The following NGLY1 variants were observed in gnomAD, a reference collection of about 807,000 sequenced individuals.
NGLY1 encodes the protein peptide-N(4)-(N-acetyl-beta-glucosaminyl)asparagine amidase.
Under a neutral mutation model 84.6 loss-of-function variants are expected in NGLY1, and 68 were observed. The ratio of observed to expected loss-of-function variants is 0.80; its 90% CI spans 0.66 to 0.98. The LOEUF (loss-of-function observed/expected upper bound fraction) is 0.98. Ranked by LOEUF, NGLY1 falls within the 50% of genes least tolerant of loss-of-function variation. The pLI is 0.00. For synonymous variants in NGLY1, 280 were observed against 275.2 expected (o/e 1.02, Z -0.17); for missense variants, 779 against 770.2 (o/e 1.01, Z -0.14).
intron 4 of NGLY1, among the ~76,000 whole-genome samples, chr3:25,743,591 T>C (rs901953): frequency 0.82 from 124,088 of 151,792 alleles, 51,087 homozygotes; most frequent in East Asian, 0.94. Context: ...TGTGTCTCTT[T>C]CCATAATGGT....
chr3:25,731,697 G>A (rs1705544185), intron 9 of NGLY1, among the ~76,000 whole-genome samples: 1 of 151,998 alleles, frequency 6.6e-6, no homozygotes, highest in Admixed American at 6.6e-5. Flanking sequence ...AACCCAAATA[G>A]CCATCAACAG....
Position 25,719,356 on chromosome 3 carries a change from T to A in NGLY1, c.*104A>T. The stretch of plus-strand genomic sequence containing the variant: ...CATGATGGATAGCTAGCAAAAGAAA[T>A]ATGCTAGCACAGGGTGGTAACTGCC... On this transcript the variant is annotated 3_prime_UTR_variant, in exon 12 of 12. Coordinates refer to ENST00000280700, the MANE Select transcript of NGLY1 (RefSeq NM_018297.4). 1.2e-6 allele frequency: 1 copy of A among 809,408 alleles called. No homozygotes were observed. The highest frequency in any genetic ancestry group is 1.9e-6 in the Non-Finnish European group (1 of 516,240). The allele number at this position is 809,408 out of a possible 1,614,324, so 50.1% of individuals were successfully genotyped here.
At position 25,764,090 on chromosome 3, in the gene NGLY1, T is replaced by C. The variant is rs776423647; in HGVS notation, c.468A>G (p.Ser156=). 38 of 1,614,102 alleles carry C rather than the reference T, an allele frequency of 2.4e-5. No individual in the cohort carries two copies. The highest frequency in any genetic ancestry group is 3.3e-4 in the Middle Eastern group (2 of 6,084). Residue 156 remains serine, a synonymous_variant, in exon 3 of 12, where the codon TCA becomes TCG. Coordinates refer to ENST00000280700, the MANE Select transcript of NGLY1 (RefSeq NM_018297.4). ...NQHTRNRQGQ[S]SDPPSASTVA... The stretch of plus-strand genomic sequence containing the variant: ...CCGTTGAAGCAGATGGTGGATCTGA[T>C]GACTGCCCTTGACGGTTCCTTGTGT...
intron 4 of NGLY1, chr3:25,749,757 T>C (rs1706632353): frequency 2.7e-6 from 4 of 1,509,154 alleles, no homozygotes; most frequent in Non-Finnish European, 2.7e-6. Context: ...GTGCTGCTGA[T>C]GTGCAACAAA....
rs551759932 is a variant in NGLY1 at position 25,751,113 on chromosome 3, T to C, written c.643A>G (p.Arg215Gly). 2.9e-4 allele frequency: 467 copies of C among 1,612,238 alleles called. 4 individuals are homozygous for C. In the South Asian group the frequency reaches 4.9e-3, roughly 17 times the overall value. ...RKSQEKLSRARKLDKGINISD... is the reference protein window; with the variant it reads ...RKSQEKLSRAGKLDKGINISD... ...AAGCTACTACCTTTATCCAATTTTCTAGCTCTCGATAACTTTTCTTGTGAT... is the reference window on the plus strand; with the variant it reads ...AAGCTACTACCTTTATCCAATTTTCCAGCTCTCGATAACTTTTCTTGTGAT... Residue 215 changes from arginine to glycine, a missense_variant, in exon 4 of 12, where the codon AGA becomes GGA. Coordinates refer to ENST00000280700, the MANE Select transcript of NGLY1 (RefSeq NM_018297.4).
chr3:25,721,338 G>A (rs761325434), intron 10 of NGLY1, among the ~76,000 whole-genome samples: 4 of 152,138 alleles, frequency 2.6e-5, no homozygotes, highest in Admixed American at 6.5e-5. Context: ...GTGAGCTACC[G>A]TGCCTGGCTC....
chr3:25,755,557 C>T, intron 3 of NGLY1: 2 of 1,430,522 alleles, frequency 1.4e-6, no homozygotes, highest in Non-Finnish European at 2.0e-6. Flanking sequence ...ACTAATCCCT[C>T]AATGATTGGG....
rs1364713235 is a variant in NGLY1, at chr3:25,770,158, T to C, written c.247-5847A>G. Among the ~76,000 whole-genome samples, 3 of 152,192 alleles carry C rather than the reference T, an allele frequency of 2.0e-5. No individual in the cohort carries two copies. The East Asian group carries it at 5.8e-4, about 29-fold the overall frequency. On this transcript the variant is annotated intron_variant, in intron 2 of 11. Transcript: ENST00000280700. ...CTGAGTAGTATTCATAGTATTCCAC[T>C]TTTTTGTTTGAGACAGAGTTTTGCT...
chr3:25,784,264 A>C (rs1461529354), upstream of NGLY1: 1 of 152,204 alleles, frequency 6.6e-6, no homozygotes, highest in African/African-American at 2.4e-5. Flanking sequence ...TTTAAACCAT[A>C]GGTTGCGACA....
chr3:25,778,992 G>A (rs1307408327), intron 1 of NGLY1, among the ~76,000 whole-genome samples: 1 of 138,142 alleles, frequency 7.2e-6, no homozygotes, highest in Non-Finnish European at 1.5e-5. Flanking sequence ...CTGGAGTGCA[G>A]TGGCGTGACC....
At position 25,751,120 on chromosome 3, in the gene NGLY1, C is replaced by T. The variant is rs201479575; in HGVS notation, c.636G>A (p.Ser212=). 1.7e-5 allele frequency: 28 copies of T among 1,612,654 alleles called. No homozygotes were observed. The East Asian group carries it at 2.9e-4, about 17-fold the overall frequency. The stretch of plus-strand genomic sequence containing the variant: ...TACCTTTATCCAATTTTCTAGCTCT[C>T]GATAACTTTTCTTGTGATTTCCTTT... ...ELKRKSQEKL[S]RARKLDKGIN... Residue 212 remains serine (S), a synonymous_variant, in exon 4 of 12, where the codon TCG becomes TCA. Transcript: ENST00000280700.
chr3:25,747,541 T>C (rs757150701), intron 4 of NGLY1, among the ~76,000 whole-genome samples: 3 of 151,998 alleles, frequency 2.0e-5, no homozygotes, highest in African/African-American at 7.3e-5. Context: ...TTTGTGAAAA[T>C]TGGTCAAATG....
At chr3:25,722,363 C>T (rs1328594794) in intron 10 of NGLY1, among the ~76,000 whole-genome samples, 1 of 151,242 alleles carries the variant, frequency 6.6e-6, no homozygotes, top group Non-Finnish European at 1.5e-5. Context: ...GTTGAAAGTA[C>T]CATATAAAAC....
chr3:25,732,220 G>GA, intron 9 of NGLY1, 99 bp downstream of exon 9: 1 of 1,025,220 alleles, frequency 9.8e-7, no homozygotes, highest in African/African-American at 1.6e-5. Context: ...CAAGTTAACT[G>GA]AAAGGTCATA....
intron 3 of NGLY1, chr3:25,755,072 A>G (rs767238274): frequency 2.3e-4 from 328 of 1,437,696 alleles, no homozygotes; most frequent in Non-Finnish European, 3.1e-4. Flanking sequence ...TGTGACTACA[A>G]TTCTGGATGA....
At position 25,783,370 on chromosome 3, in the gene NGLY1, G is replaced by T. The variant is rs757591250; in HGVS notation, c.21C>A (p.Gly7=). MAAAAL[G]SSSGSASPAV... ...CCGGGGACGCCGAGCCTGAGGAGCT[G>T]CCCAATGCCGCCGCCGCCATGCTTG... The change falls in exon 1 of 12, where the codon GGC becomes GGA. Residue 7 remains glycine (G), a synonymous_variant. Transcript: ENST00000280700. The surrounding 1 kb of genome is among the most constrained non-coding windows in gnomAD (Gnocchi z 4.5). The T allele has an allele frequency of 1.9e-6, 3 of 1,546,240 alleles. No individual in the cohort carries two copies. The highest frequency in any genetic ancestry group is 1.7e-6 in the Non-Finnish European group (2 of 1,147,172).
intron 9 of NGLY1, among the ~76,000 whole-genome samples, chr3:25,730,955 G>T (rs531147438): frequency 1.3e-5 from 2 of 152,128 alleles, no homozygotes; most frequent in African/African-American, 2.4e-5. Flanking sequence ...AAGGGCAAAG[G>T]ACAGTCTATT....
At chr3:25,771,663 T>C (rs1031045249) in intron 2 of NGLY1, among the ~76,000 whole-genome samples, 3 of 152,176 alleles carry the variant, frequency 2.0e-5, no homozygotes, top group Admixed American at 6.5e-5. Flanking sequence ...CTTCCATGAG[T>C]ATGGGATGTG....
chr3:25,764,139 G>C lies in NGLY1; in HGVS notation c.419C>G (p.Ser140Ter), dbSNP rs754379411. Residue 140 changes from serine (S) to a stop codon, truncating the protein, a stop_gained, in exon 3 of 12, where the codon TCA becomes TGA. Coordinates refer to ENST00000280700, the MANE Select transcript of NGLY1 (RefSeq NM_018297.4). LOFTEE classifies it high-confidence loss of function. ...GTGCTGGTTTAACCCACTGGGATTT[G>C]AAGATGGTGTTGTAGGAAGCTGGGT... ...ASTQLPTTPS[S>*]NPSGLNQHTR... 1.9e-6 allele frequency: 3 copies of C among 1,614,058 alleles called. No individual in the cohort carries two copies. Among genetic ancestry groups the C allele is most frequent in the Non-Finnish European group, 2.5e-6 (3 of 1,180,022 alleles).
Sources: gnomAD v4.1 joint callset for allele counts (sites outside exome capture counted in the v4.1 genomes callset) on GRCh38, gnomAD v4.1.1 for gene constraint, Gnocchi (gnomAD v3.1) non-coding constraint, MANE v1.5 for transcripts, NCBI Gene and HGNC (gene_info 2026-07-23, HGNC 2026-07-21) for gene names.